RMDN3: variants seen among roughly 807,000 people sequenced by gnomAD.
RMDN3 encodes the protein regulator of microtubule dynamics protein 3.
Under a neutral mutation model 61.8 loss-of-function variants are expected in RMDN3, and 41 were observed. That is an observed-to-expected ratio of 0.66 (90% confidence interval 0.52 to 0.86). RMDN3 has a LOEUF of 0.86. Ranked by LOEUF, RMDN3 falls within the 40% of genes least tolerant of loss-of-function variation. The pLI, the probability that RMDN3 is intolerant of heterozygous loss-of-function variation, is 0.00. For synonymous variants in RMDN3, 247 were observed against 232.0 expected (o/e 1.06, Z -0.59); for missense variants, 557 against 585.3 (o/e 0.95, Z 0.50).
rs780818826 is a variant in RMDN3 at position 40,737,945 on chromosome 15, A to G, written c.1125+20T>C. ...GAAGGCATTTAGGACCATTATGTCA[A>G]GCACTGAAACGCAGCTTACCTGATA... is the stretch of plus-strand genomic sequence containing the variant. On this transcript the variant is annotated intron_variant, in intron 9 of 12. Coordinates refer to ENST00000338376, the MANE Select transcript of RMDN3 (RefSeq NM_018145.3). The G allele has an allele frequency of 6.2e-7, 1 of 1,613,490 alleles. No individual in the cohort carries two copies. Among genetic ancestry groups the G allele is most frequent in the Admixed American group, 1.7e-5 (1 of 60,006 alleles).
In RMDN3 at chr15:40,736,338, C is replaced by A. The variant is rs547869415; in HGVS notation, c.*203G>T. On this transcript the variant is annotated 3_prime_UTR_variant, in exon 13 of 13. Transcript: ENST00000338376. ...TACTCAAGGGAGAGAACAACAGAAACGGAAGCCATGAGTACTGCCCCAATT... is the reference window on the plus strand; with the variant it reads ...TACTCAAGGGAGAGAACAACAGAAAAGGAAGCCATGAGTACTGCCCCAATT... The A allele has an allele frequency of 3.8e-6, 2 of 520,462 alleles. No individual in the cohort carries two copies. The highest frequency in any genetic ancestry group is 2.0e-5 in the African/African-American group (1 of 50,650). The allele number at this position is 520,462 out of a possible 1,614,324, so 32.2% of individuals were successfully genotyped here. A position where few individuals can be genotyped will look rare whatever the true frequency, so the allele number is the denominator to read the frequency against.
intron 6 of RMDN3, among the ~76,000 whole-genome samples, chr15:40,740,812 A>G (rs1897249421): frequency 6.6e-6 from 1 of 152,232 alleles, no homozygotes; most frequent in African/African-American, 2.4e-5. Context: ...CCAGCCAGGC[A>G]CGATGGCTTA....
intron 4 of RMDN3, 151 bp from the exon 5 acceptor site, chr15:40,745,410 TTC>T (rs1897490166): frequency 1.2e-5 from 8 of 688,128 alleles, no homozygotes; most frequent in Admixed American, 3.3e-5. Context: ...CAGACTTTTT[TTC>T]TTTTTTTTTT....
intron 12 of RMDN3, 147 bp from the exon 13 acceptor site, chr15:40,736,741 T>C (rs2141896594): frequency 1.5e-6 from 1 of 678,204 alleles, no homozygotes; most frequent in African/African-American, 1.8e-5. Flanking sequence ...CTGGAGCCTA[T>C]TAAATCTGTC....
In RMDN3 at chr15:40,738,478, A is replaced by G. The variant is rs767210618; in HGVS notation, c.1047+23T>C. 10 of 1,611,996 alleles carry G rather than the reference A, an allele frequency of 6.2e-6. No individual in the cohort carries two copies. In the East Asian group the frequency reaches 2.2e-4, roughly 36 times the overall value. ...GAATCTGGGATAGGCCAGCACAAGGAAGGAGGAAAAGCCTGTCCTCACCTT... is the reference window on the plus strand; with the variant it reads ...GAATCTGGGATAGGCCAGCACAAGGGAGGAGGAAAAGCCTGTCCTCACCTT... On this transcript the variant is annotated intron_variant, in intron 8 of 12. Coordinates refer to ENST00000338376, the MANE Select transcript of RMDN3 (RefSeq NM_018145.3).
chr15:40,747,474 C>A (rs1897623333), intron 4 of RMDN3, among the ~76,000 whole-genome samples: 1 of 152,178 alleles, frequency 6.6e-6, no homozygotes, highest in African/African-American at 2.4e-5. Context: ...CAATCTGAAA[C>A]CCTACTGCCT....
Position 40,755,106 on chromosome 15 carries a change from C to T in RMDN3, c.-31G>A. The T allele has an allele frequency of 4.0e-6, 1 of 251,614 alleles. No homozygotes were observed. Among genetic ancestry groups the T allele is most frequent in the Non-Finnish European group, 7.7e-6 (1 of 129,622 alleles). The allele number at this position is 251,614 out of a possible 1,614,324, so 15.6% of individuals were successfully genotyped here. On this transcript the variant is annotated 5_prime_UTR_variant, in exon 1 of 13. Coordinates refer to ENST00000338376, the MANE Select transcript of RMDN3 (RefSeq NM_018145.3). ...ACCTCAGCCTCACGACACTGCAGAC[C>T]ACAAACCCGGCGCCCTGGCTGCAAA...
At chr15:40,739,811 T>C (rs1897208460) in intron 7 of RMDN3, 1 of 336,070 alleles carries the variant, frequency 3.0e-6, no homozygotes, top group Admixed American at 3.9e-5. Flanking sequence ...ATAGGGGAGC[T>C]GCAGATTGTC....
intron 6 of RMDN3, among the ~76,000 whole-genome samples, chr15:40,743,175 C>A (rs1897349146): frequency 6.6e-6 from 1 of 152,194 alleles, no homozygotes; most frequent in Admixed American, 6.5e-5. Flanking sequence ...TATCCCAGCA[C>A]TTTGGGAGGC....
In RMDN3 at chr15:40,749,497, AGAGT is replaced by A. The variant is rs958921260; in HGVS notation, c.524+1925_524+1928del. 5.2e-4 allele frequency among the ~76,000 whole-genome samples: 79 copies of A among 152,374 alleles called. 1 individual carries two copies. Among genetic ancestry groups the A allele is most frequent in the African/African-American group, 1.8e-3 (75 of 41,596 alleles). On this transcript the variant is annotated intron_variant, in intron 4 of 12. Coordinates refer to ENST00000338376, the MANE Select transcript of RMDN3 (RefSeq NM_018145.3). ...ACCATGGAACTCCAGCCTGGGCAACAGAGTGAGACCCTGTCTCAAAACAAAACAA... is the reference window on the plus strand; with the variant it reads ...ACCATGGAACTCCAGCCTGGGCAACAGAGACCCTGTCTCAAAACAAAACAA...
chr15:40,754,885 A>C, intron 1 of RMDN3, 95 bp from the exon 2 acceptor site: 1 of 1,053,328 alleles, frequency 9.5e-7, no homozygotes, highest in Non-Finnish European at 1.3e-6. Context: ...ACCCACCCTC[A>C]AGGCTGAACC....
intron 2 of RMDN3, 45 bp downstream of exon 2, chr15:40,754,552 C>A (rs769976365): frequency 1.3e-6 from 2 of 1,558,976 alleles, no homozygotes; most frequent in Admixed American, 1.8e-5. Context: ...AGACCTCAGG[C>A]CCATTAGTCT....
At chr15:40,744,952 A>G (rs375972281) in intron 5 of RMDN3, 25 bp downstream of exon 5, 572 of 1,565,436 alleles carry the variant, frequency 3.7e-4, no homozygotes, top group Non-Finnish European at 4.6e-4. Flanking sequence ...GGGAAGGAGA[A>G]GGAGACAGGC....
Position 40,736,318 on chromosome 15 carries a change from A to G in RMDN3, c.*223T>C. Reference sequence around the variant, plus strand: ...TCTTGATTTTTTTAAGAGATTACTCAAGGGAGAGAACAACAGAAACGGAAG... The same window carrying G: ...TCTTGATTTTTTTAAGAGATTACTCGAGGGAGAGAACAACAGAAACGGAAG... On this transcript the variant is annotated 3_prime_UTR_variant, in exon 13 of 13. Coordinates refer to ENST00000338376, the MANE Select transcript of RMDN3 (RefSeq NM_018145.3). 2.0e-6 allele frequency: 1 copy of G among 503,498 alleles called. No individual in the cohort carries two copies. Among genetic ancestry groups the G allele is most frequent in the Admixed American group, 3.7e-5 (1 of 27,178 alleles). 31.2% of individuals were successfully genotyped at this position (503,498 alleles called of 1,614,324 possible).
At chr15:40,741,651 CAA>C (rs1413293948) in intron 6 of RMDN3, among the ~76,000 whole-genome samples, 3 of 32,788 alleles carry the variant, frequency 9.1e-5, no homozygotes, top group Non-Finnish European at 1.2e-4. Context: ...TTTTTTGAGA[CAA>C]GAGTCTCACT....
chr15:40,747,529 G>A (rs542416936), intron 4 of RMDN3: 7 of 152,194 alleles, frequency 4.6e-5, no homozygotes, highest in Admixed American at 2.6e-4. Context: ...ACATGCCAAG[G>A]GCTACCACAT....
At chr15:40,743,882 A>G (rs183932968) in intron 6 of RMDN3, among the ~76,000 whole-genome samples, 165 bp downstream of exon 6, 1 of 152,350 alleles carries the variant, frequency 6.6e-6, no homozygotes, top group East Asian at 1.9e-4. Context: ...CTCTTCTTCC[A>G]GAGGAGAAAG....
chr15:40,749,518 A>ACAAAACAAAACAAAAAC (rs923638795), intron 4 of RMDN3, among the ~76,000 whole-genome samples: 22 of 152,324 alleles, frequency 1.4e-4, no homozygotes, highest in Middle Eastern at 3.4e-3. Context: ...CTGTCTCAAA[A>ACAAAACAAAACAAAAAC]CAAAACAAAA....
intron 4 of RMDN3, among the ~76,000 whole-genome samples, chr15:40,749,775 TTC>T (rs1897735063): frequency 6.6e-6 from 1 of 152,336 alleles, no homozygotes; most frequent in African/African-American, 2.4e-5. Flanking sequence ...TTAACACAAC[TTC>T]TGGAAGCATC....
Sources: allele counts gnomAD v4.1 joint callset (sites outside exome capture counted in the v4.1 genomes callset), GRCh38; gene constraint gnomAD v4.1.1; transcripts MANE v1.5; gene names NCBI Gene and HGNC (gene_info 2026-07-23, HGNC 2026-07-21).